Variants in GSE1 observed in about 807,000 individuals in gnomAD.
GSE1 encodes Gse1 coiled-coil protein, also known as genetic suppressor element 1.
GSE1 carries 32 observed loss-of-function variants against 112.6 expected under a neutral mutation model. The ratio of observed to expected loss-of-function variants is 0.28; its 90% CI spans 0.21 to 0.38. The LOEUF (loss-of-function observed/expected upper bound fraction) is 0.38, where lower values mean the gene tolerates loss of function less well. Among genes scored for constraint, GSE1 ranks in the 10% least tolerant of loss-of-function variants. GSE1 has a pLI of 1.00. For missense variants in GSE1, 2,348 were observed against 1,699.2 expected, an observed-to-expected ratio of 1.38 and a Z score of -6.71; for synonymous variants, 1,115 against 735.6, an observed-to-expected ratio of 1.52 and a Z score of -8.35.
rs1308991179 is a variant in GSE1 at position 85,373,614 on chromosome 16, G to A, written c.2464+15971G>A. Among the ~76,000 whole-genome samples, 1 of 152,166 alleles carries A rather than the reference G, an allele frequency of 6.6e-6. No homozygotes were observed. Among genetic ancestry groups the A allele is most frequent in the African/African-American group, 2.4e-5 (1 of 41,434 alleles). Reference sequence around the variant, plus strand: ...TATGTGTCCTCCCAGCCTGGAGTGAGTGTCTGGGAGGGCCACAGGTATGCT... The same window carrying A: ...TATGTGTCCTCCCAGCCTGGAGTGAATGTCTGGGAGGGCCACAGGTATGCT... On this transcript the variant is annotated intron_variant, in intron 2 of 2. Transcript: ENST00000637419. This position sits in a 1 kb window ranked among gnomAD's most constrained non-coding sequence, Gnocchi z 5.1.
At chr16:85,443,731 G>T (rs1029228522) in intron 2 of GSE1, among the ~76,000 whole-genome samples, 6 of 152,320 alleles carry the variant, frequency 3.9e-5, no homozygotes, top group Admixed American at 3.9e-4. Flanking sequence ...CACCAGAGGG[G>T]CCTAGCGTTT....
chr16:85,427,053 G>T (rs559511545), intron 2 of GSE1, among the ~76,000 whole-genome samples: 1 of 152,124 alleles, frequency 6.6e-6, no homozygotes, highest in Non-Finnish European at 1.5e-5. Flanking sequence ...CCACCTATGA[G>T]CCCAGACCTC....
chr16:85,173,346 A>T (rs1433820803), intron 1 of GSE1, among the ~76,000 whole-genome samples: 1 of 152,190 alleles, frequency 6.6e-6, no homozygotes, highest in East Asian at 1.9e-4. Flanking sequence ...TTAGTTTCTT[A>T]TCCTGGTGGA....
Position 85,584,551 on chromosome 16 carries a change from G to C in GSE1, c.37+28188G>C, listed in dbSNP as rs187957748. Among the ~76,000 whole-genome samples, 269 of 152,342 alleles carry C rather than the reference G, an allele frequency of 1.8e-3. 2 individuals carry two copies. The highest frequency in any genetic ancestry group is 6.2e-3 in the African/African-American group (258 of 41,580). On this transcript the variant is annotated intron_variant, in intron 1 of 2. Transcript: ENST00000635906. ...CTTTGAGAACGCCTGCGAAGCAGTAGGATCGGGGAGGTGGAGCAGTTTCCC... is the reference window on the plus strand; with the variant it reads ...CTTTGAGAACGCCTGCGAAGCAGTACGATCGGGGAGGTGGAGCAGTTTCCC...
chr16:85,433,588 CTGGATGGATGGATGGATGGATGGA>C (rs57012969), intron 2 of GSE1, among the ~76,000 whole-genome samples: 2 of 150,062 alleles, frequency 1.3e-5, no homozygotes, highest in South Asian at 2.1e-4. Context: ...GAGAAGGATC[CTGGATGGATGGATGGATGGATGGA>C]TGGATGGATG....
Position 85,666,212 on chromosome 16 carries a change from G to A in GSE1, c.2995G>A (p.Asp999Asn), listed in dbSNP as rs1346551025. 6.2e-7 allele frequency: 1 copy of A among 1,613,716 alleles called. No homozygotes were observed. The highest frequency in any genetic ancestry group is 1.1e-5 in the South Asian group (1 of 91,088). ...LHYIRGAAPKDIPVPLSHSTN... is the reference protein window; with the variant it reads ...LHYIRGAAPKNIPVPLSHSTN... ...CTATATCCGGGGCGCTGCACCCAAG[G>A]ACATTCCTGTGCCGCTGTCCCACAG... Residue 999 changes from aspartate (D) to asparagine (N), a missense_variant, in exon 13 of 16, where the codon GAC (aspartate) becomes AAC (asparagine). Asp to Asn is a conservative substitution (Grantham distance 23). Coordinates refer to ENST00000253458, the MANE Select transcript of GSE1 (RefSeq NM_014615.5).
intron 2 of GSE1, among the ~76,000 whole-genome samples, chr16:85,505,124 TG>T (rs1172654536): frequency 6.6e-6 from 1 of 152,194 alleles, no homozygotes; most frequent in East Asian, 1.9e-4. Context: ...ATGTTGGGCC[TG>T]GCCCTGTCGT....
At chr16:85,204,467 C>G (rs1429978835) in intron 1 of GSE1, among the ~76,000 whole-genome samples, 2 of 152,226 alleles carry the variant, frequency 1.3e-5, no homozygotes, top group African/African-American at 4.8e-5. Context: ...GAGGAATTCT[C>G]AGTTCCTAGG....
At chr16:85,628,118 C>A (rs1216668035) in intron 1 of GSE1, among the ~76,000 whole-genome samples, 1 of 152,238 alleles carries the variant, frequency 6.6e-6, no homozygotes, top group Non-Finnish European at 1.5e-5. Flanking sequence ...GGTTCCCCGG[C>A]TCTTGGCCTC....
Position 85,634,220 on chromosome 16 carries a change from A to T in GSE1, c.226+88A>T. The T allele has an allele frequency of 4.3e-6, 4 of 920,228 alleles. No homozygotes were observed. In the South Asian group the frequency reaches 7.8e-5, roughly 18 times the overall value. The allele number at this position is 920,228 out of a possible 1,614,324, so 57.0% of individuals were successfully genotyped here. On this transcript the variant is annotated intron_variant, in intron 2 of 15. Coordinates refer to ENST00000253458, the MANE Select transcript of GSE1 (RefSeq NM_014615.5). ...TCCCGCCTGCGGCGTGCACGCTCAC[A>T]GCAGGTCTCGTCTTTCCCACGCCGT...
chr16:85,576,448 T>C (rs971610623), intron 1 of GSE1, among the ~76,000 whole-genome samples: 1 of 152,202 alleles, frequency 6.6e-6, no homozygotes, highest in African/African-American at 2.4e-5. Context: ...TTCCACACTT[T>C]TGGAGCCTAG....
Position 85,443,044 on chromosome 16 carries a change from C to T in GSE1, c.2464+85401C>T, listed in dbSNP as rs952363657. ...CTTTTAAGGACACCTGTCATTGGAT[C>T]GAGGGCCCACCCTACAGTGGCATGG... On this transcript the variant is annotated intron_variant, in intron 2 of 2. Transcript: ENST00000637419. Among the ~76,000 whole-genome samples the T allele has an allele frequency of 3.3e-5, 5 of 152,196 alleles. 1 individual carries two copies. Among genetic ancestry groups the T allele is most frequent in the Admixed American group, 2.6e-4 (4 of 15,280 alleles).
intron 1 of GSE1, among the ~76,000 whole-genome samples, chr16:85,573,357 C>T (rs915163387): frequency 1.3e-5 from 2 of 152,178 alleles, no homozygotes; most frequent in African/African-American, 4.8e-5. Flanking sequence ...TCTGTTTCTC[C>T]ATGCATCTGT....
intron 2 of GSE1, among the ~76,000 whole-genome samples, chr16:85,385,687 G>A (rs951626245): frequency 7.2e-5 from 11 of 152,326 alleles, no homozygotes; most frequent in East Asian, 1.9e-4. Context: ...TCACCTGCAC[G>A]TGTTTTCGCC....
At chr16:85,385,813 C>T (rs772365936) in intron 2 of GSE1, among the ~76,000 whole-genome samples, 18 of 152,300 alleles carry the variant, frequency 1.2e-4, no homozygotes, top group Non-Finnish European at 2.5e-4. Flanking sequence ...GGGAGGGGAG[C>T]CATTAAGAAT....
intron 2 of GSE1, chr16:85,357,713 C>T (rs2046978836): frequency 9.7e-7 from 1 of 1,033,072 alleles, no homozygotes; most frequent in Non-Finnish European, 1.3e-6. Context: ...GGGATGGGGG[C>T]TCCCAGAGCC....
Position 85,588,056 on chromosome 16 carries a change from T to C in GSE1, c.37+31693T>C, listed in dbSNP as rs921884621. The stretch of plus-strand genomic sequence containing the variant: ...GGCAGTGTCTCTTCGTCCTCCTCTT[T>C]CCAGAGGCCAGGGGATTCACTGCTG... On this transcript the variant is annotated intron_variant, in intron 1 of 2. Coordinates refer to the GSE1 transcript ENST00000635906. Among the ~76,000 whole-genome samples, 6 of 152,280 alleles carry C rather than the reference T, an allele frequency of 3.9e-5. 2 individuals are homozygous for C. The highest frequency in any genetic ancestry group is 1.4e-4 in the African/African-American group (6 of 41,566).
chr16:85,444,816 G>A (rs530308582), intron 2 of GSE1, among the ~76,000 whole-genome samples: 3 of 152,048 alleles, frequency 2.0e-5, no homozygotes, highest in East Asian at 1.9e-4. Flanking sequence ...CCTCTCCTCC[G>A]CCCCCTCCAG....
chr16:85,534,394 T>A (rs544295959), intron 2 of GSE1, among the ~76,000 whole-genome samples: 3 of 152,276 alleles, frequency 2.0e-5, no homozygotes, highest in South Asian at 2.1e-4. Flanking sequence ...AGTGCTGGGA[T>A]TACAGGACTG....
Sources: allele counts gnomAD v4.1 joint callset (sites outside exome capture counted in the v4.1 genomes callset), GRCh38; gene constraint gnomAD v4.1.1; non-coding constraint Gnocchi (gnomAD v3.1); transcripts MANE v1.5; gene names NCBI Gene and HGNC (gene_info 2026-07-23, HGNC 2026-07-21).